Variants in P4HA1 observed in about 807,000 individuals in gnomAD.
P4HA1 encodes the protein prolyl 4-hydroxylase subunit alpha-1.
P4HA1 carries 24 observed loss-of-function variants against 72.8 expected under a neutral mutation model. That is an observed-to-expected ratio of 0.33 (90% confidence interval 0.24 to 0.46). The LOEUF (loss-of-function observed/expected upper bound fraction) is 0.46, where lower values mean the gene tolerates loss of function less well. P4HA1 is among the 20% of genes least tolerant of loss of function. The pLI, the probability that P4HA1 is intolerant of heterozygous loss-of-function variation, is 1.00. For missense variants in P4HA1, 446 were observed against 640.6 expected (o/e 0.70, Z 3.28); for synonymous variants, 201 against 218.8 (o/e 0.92, Z 0.72).
At chr10:73,050,712 A>G (rs1165818379) in intron 7 of P4HA1, among the ~76,000 whole-genome samples, 2 of 151,830 alleles carry the variant, frequency 1.3e-5, no homozygotes, top group Non-Finnish European at 2.9e-5. Flanking sequence ...AAAAAAAAAA[A>G]AAAGTTTTTT....
intron 5 of P4HA1, among the ~76,000 whole-genome samples, chr10:73,067,935 G>C (rs78579281): frequency 0.051 from 7,734 of 152,162 alleles, 607 homozygotes; most frequent in African/African-American, 0.17. Flanking sequence ...TAACATAATA[G>C]CTGGCACATA....
chr10:73,011,178 AG>A, intron 12 of P4HA1, 141 bp from the exon 13 acceptor site: 1 of 524,474 alleles, frequency 1.9e-6, no homozygotes, highest in Non-Finnish European at 3.3e-6. Flanking sequence ...CATGCTACTC[AG>A]TTTTTCAAAA....
rs1423358679 is a variant in P4HA1 at position 73,053,358 on chromosome 10, A to T, written c.696T>A (p.Leu232=). 1 of 1,613,932 alleles carries T rather than the reference A, an allele frequency of 6.2e-7. No homozygotes were observed. The highest frequency in any genetic ancestry group is 2.2e-5 in the East Asian group (1 of 44,890). Residue 232 remains leucine, a synonymous_variant, in exon 6 of 15, where the codon CTT becomes CTA. Coordinates refer to ENST00000394890, the MANE Select transcript of P4HA1 (RefSeq NM_001017962.3). The part of the protein sequence containing the change: ...DKALLLTKKL[L]ELDPEHQRAN... Reference sequence around the variant, plus strand: ...TAGGCCCAGATAACATACCTAGTTCAAGAAGCTTCTTTGTGAGCAAAAGTG... The same window carrying T: ...TAGGCCCAGATAACATACCTAGTTCTAGAAGCTTCTTTGTGAGCAAAAGTG...
chr10:73,082,652 GGTTC>G lies in P4HA1; in HGVS notation c.-32-7741_-32-7738del, dbSNP rs1412012397. 274 of 152,100 alleles carry G rather than the reference GGTTC, an allele frequency of 1.8e-3. 1 individual carries two copies. Among genetic ancestry groups the G allele is most frequent in the African/African-American group, 6.3e-3 (261 of 41,496 alleles). The allele number at this position is 152,100 out of a possible 1,614,324, so 9.4% of individuals were successfully genotyped here. ...TCTGACACTTAAAATTTTCCACAGG[GGTTC>G]TTTTAACCTTCGACACTTGTTCCAA... On this transcript the variant is annotated intron_variant, in intron 1 of 14. Coordinates refer to ENST00000394890, the MANE Select transcript of P4HA1 (RefSeq NM_001017962.3).
intron 4 of P4HA1, 109 bp from the exon 5 acceptor site, chr10:73,069,092 C>T (rs184492783): frequency 5.7e-4 from 464 of 812,346 alleles, no homozygotes; most frequent in South Asian, 9.1e-4. Flanking sequence ...TCTACCACAC[C>T]ATGAAAAGTT....
intron 9 of P4HA1, among the ~76,000 whole-genome samples, chr10:73,040,646 G>A (rs550358794): frequency 1.3e-5 from 2 of 151,720 alleles, no homozygotes; most frequent in African/African-American, 4.8e-5. Flanking sequence ...GCTAATTTTT[G>A]TATTTTTAGT....
chr10:73,011,343 A>G (rs1839906236), intron 12 of P4HA1, among the ~76,000 whole-genome samples: 1 of 152,214 alleles, frequency 6.6e-6, no homozygotes, highest in African/African-American at 2.4e-5. Context: ...CTTAAAACTA[A>G]TGAGTCAATA....
At position 73,022,002 on chromosome 10, in the gene P4HA1, C is replaced by A. The variant is rs536646061; in HGVS notation, c.1249-5103G>T. Among the ~76,000 whole-genome samples the A allele has an allele frequency of 2.0e-3, 303 of 152,270 alleles. 1 individual carries two copies. The highest frequency in any genetic ancestry group is 6.9e-3 in the African/African-American group (285 of 41,568). On this transcript the variant is annotated intron_variant, in intron 10 of 14. Transcript: ENST00000394890. ...AAATGGCCAGAAAGCTCAAACTGGG[C>A]GGAGCCCACCACAGCTCAGCAAGGC...
chr10:73,018,596 G>A (rs1840063127), intron 10 of P4HA1, among the ~76,000 whole-genome samples: 1 of 151,612 alleles, frequency 6.6e-6, no homozygotes, highest in African/African-American at 2.4e-5. Flanking sequence ...ACCAATCCAG[G>A]TTCTAGAGTG....
intron 1 of P4HA1, among the ~76,000 whole-genome samples, chr10:73,090,741 T>C (rs1842010687): frequency 6.6e-6 from 1 of 152,184 alleles, no homozygotes; most frequent in African/African-American, 2.4e-5. Flanking sequence ...TTGAGGTCTA[T>C]TTTCAAAATA....
intron 5 of P4HA1, among the ~76,000 whole-genome samples, chr10:73,055,935 AT>A (rs989296578): frequency 1.3e-5 from 2 of 152,224 alleles, no homozygotes; most frequent in African/African-American, 4.8e-5. Context: ...AAAGTAAGAA[AT>A]GGAATCTGTT....
intron 1 of P4HA1, among the ~76,000 whole-genome samples, chr10:73,090,827 G>A (rs572444862): frequency 8.5e-5 from 13 of 152,126 alleles, no homozygotes; most frequent in African/African-American, 2.2e-4. Context: ...TTGGGAGGCC[G>A]AGGCTGATGG....
At chr10:73,012,063 G>C (rs756500663) in intron 12 of P4HA1, among the ~76,000 whole-genome samples, 9 of 151,878 alleles carry the variant, frequency 5.9e-5, no homozygotes, top group African/African-American at 2.2e-4. Context: ...TTTAAATAAC[G>C]GAAAAAATGA....
chr10:73,014,328 T>C, intron 11 of P4HA1, 39 bp from the exon 12 acceptor site: 2 of 1,450,334 alleles, frequency 1.4e-6, no homozygotes, highest in Non-Finnish European at 1.9e-6. Flanking sequence ...GGTGTAAAAA[T>C]TCAGTAATAC....
At chr10:73,028,495 A>T (rs2133059131) in intron 10 of P4HA1, among the ~76,000 whole-genome samples, 1 of 152,158 alleles carries the variant, frequency 6.6e-6, no homozygotes, top group Admixed American at 6.5e-5. Context: ...GCAATGGCGC[A>T]ATCTCAGCTC....
chr10:73,057,051 C>T (rs977670644), intron 5 of P4HA1, among the ~76,000 whole-genome samples: 4 of 143,582 alleles, frequency 2.8e-5, no homozygotes, highest in Admixed American at 2.8e-4. Context: ...CAGAGCAAGA[C>T]GCTGTCTCGA....
intron 9 of P4HA1, among the ~76,000 whole-genome samples, chr10:73,036,948 T>C (rs750581567): frequency 1.5e-4 from 23 of 152,118 alleles, no homozygotes; most frequent in African/African-American, 3.4e-4. Context: ...GATTAAATCA[T>C]AAGAAATCCA....
intron 10 of P4HA1, among the ~76,000 whole-genome samples, chr10:73,022,363 G>T (rs1361749783): frequency 2.0e-5 from 3 of 152,138 alleles, no homozygotes; most frequent in Non-Finnish European, 2.9e-5. Flanking sequence ...ACAGCGTCTG[G>T]AATGGACCTC....
intron 9 of P4HA1, among the ~76,000 whole-genome samples, chr10:73,039,854 CTTTTTTTTTT>C (rs765288935): frequency 1.1e-5 from 1 of 86,998 alleles, no homozygotes; most frequent in South Asian, 4.7e-4. Flanking sequence ...CTGAGATGGC[CTTTTTTTTTT>C]TTTTTTTTTT....
Sources: allele counts gnomAD v4.1 joint callset (sites outside exome capture counted in the v4.1 genomes callset), GRCh38; gene constraint gnomAD v4.1.1; transcripts MANE v1.5; gene names NCBI Gene and HGNC (gene_info 2026-07-23, HGNC 2026-07-21).